FSIP1: variants seen among roughly 807,000 people sequenced by gnomAD.
FSIP1 encodes fibrous sheath-interacting protein 1.
Under a neutral mutation model 60.9 loss-of-function variants are expected in FSIP1, and 65 were observed. The ratio of observed to expected loss-of-function variants is 1.07; its 90% confidence interval spans 0.87 to 1.31. The LOEUF (loss-of-function observed/expected upper bound fraction) is 1.31, where lower values mean the gene tolerates loss of function less well. FSIP1 is among the 40% of genes most tolerant of loss of function. The pLI is 0.00. For synonymous variants in FSIP1, 209 were observed against 221.2 expected, an observed-to-expected ratio of 0.94 and a Z score of 0.49; for missense variants, 675 against 665.5, an observed-to-expected ratio of 1.01 and a Z score of -0.16.
intron 10 of FSIP1, among the ~76,000 whole-genome samples, chr15:39,644,583 T>G (rs575455473): frequency 7.9e-5 from 12 of 152,318 alleles, no homozygotes; most frequent in Non-Finnish European, 1.6e-4. Context: ...CAAGAACTCA[T>G]GAGAACTTCT....
intron 5 of FSIP1, among the ~76,000 whole-genome samples, chr15:39,742,923 T>TA (rs1372767749): frequency 6.6e-6 from 1 of 152,108 alleles, no homozygotes; most frequent in African/African-American, 2.4e-5. Flanking sequence ...GAGAGAGGGG[T>TA]AAACTACTTA....
At chr15:39,684,764 G>A (rs1894297917) in intron 10 of FSIP1, among the ~76,000 whole-genome samples, 1 of 152,184 alleles carries the variant, frequency 6.6e-6, no homozygotes, top group Non-Finnish European at 1.5e-5. Flanking sequence ...ACCATGTGGT[G>A]AGGATGGAAA....
chr15:39,694,124 T>C (rs889755222), intron 10 of FSIP1, among the ~76,000 whole-genome samples: 2 of 152,018 alleles, frequency 1.3e-5, no homozygotes, highest in Non-Finnish European at 2.9e-5. Context: ...ATGCACTATA[T>C]AAATAAAGGA....
intron 8 of FSIP1, among the ~76,000 whole-genome samples, chr15:39,733,731 T>C (rs539135687): frequency 2.6e-5 from 4 of 152,226 alleles, no homozygotes; most frequent in Admixed American, 2.6e-4. Flanking sequence ...GACAGTCTCT[T>C]TGCTTTTTAC....
chr15:39,776,515 T>A lies in FSIP1; in HGVS notation c.10A>T (p.Ile4Leu). ...GAAATTCCATCTAGGTTTCCCTTTA[T>A]AATATCCATTGAAATCCTGAAACAA... MDI[I>L]KGNLDGISKP... The change falls in exon 2 of 12, where the codon ATA (isoleucine) becomes TTA (leucine). Residue 4 changes from isoleucine (I) to leucine (L), a missense_variant. Ile to Leu is a conservative substitution (Grantham distance 5). Transcript: ENST00000350221. 1 of 1,606,106 alleles carries A rather than the reference T, an allele frequency of 6.2e-7. No individual in the cohort carries two copies. The highest frequency in any genetic ancestry group is 8.5e-7 in the Non-Finnish European group (1 of 1,175,354).
At chr15:39,762,182 G>A (rs965075872) in intron 5 of FSIP1, among the ~76,000 whole-genome samples, 1 of 152,188 alleles carries the variant, frequency 6.6e-6, no homozygotes, top group African/African-American at 2.4e-5. Flanking sequence ...TCACAGGCTG[G>A]GTGGCTGAAA....
intron 10 of FSIP1, among the ~76,000 whole-genome samples, chr15:39,687,786 G>A (rs772136056): frequency 2.6e-5 from 4 of 152,142 alleles, no homozygotes; most frequent in African/African-American, 4.8e-5. Flanking sequence ...TACATTTTAA[G>A]CCTCTTCTCT....
At chr15:39,628,722 CA>C (rs1298331922) in intron 10 of FSIP1, among the ~76,000 whole-genome samples, 1 of 152,162 alleles carries the variant, frequency 6.6e-6, no homozygotes, top group Non-Finnish European at 1.5e-5. Context: ...CAGAAGTTAG[CA>C]GGGGGAGGCT....
chr15:39,765,383 A>T (rs1369684495), intron 4 of FSIP1, among the ~76,000 whole-genome samples: 1 of 151,512 alleles, frequency 6.6e-6, no homozygotes, highest in African/African-American at 2.4e-5. Context: ...TAGGGCAACA[A>T]GCACGTACTA....
intron 10 of FSIP1, among the ~76,000 whole-genome samples, chr15:39,643,757 C>T (rs1425109041): frequency 6.6e-6 from 1 of 152,152 alleles, no homozygotes; most frequent in South Asian, 2.1e-4. Flanking sequence ...TCTGAGGTTG[C>T]CTGCAAGTTG....
At chr15:39,748,428 G>A (rs1172438276) in intron 5 of FSIP1, among the ~76,000 whole-genome samples, 1 of 152,070 alleles carries the variant, frequency 6.6e-6, no homozygotes, top group Admixed American at 6.6e-5. Context: ...AATTTTCCCT[G>A]GGGGTATTAA....
chr15:39,726,975 T>C (rs560373721), intron 8 of FSIP1, among the ~76,000 whole-genome samples: 1 of 152,342 alleles, frequency 6.6e-6, no homozygotes, highest in Admixed American at 6.5e-5. Flanking sequence ...TCTAATATTT[T>C]AAGGGGGGTT....
chr15:39,603,341 C>T (rs1890708542), intron 11 of FSIP1, among the ~76,000 whole-genome samples: 1 of 152,198 alleles, frequency 6.6e-6, no homozygotes, highest in African/African-American at 2.4e-5. Context: ...TGCCAGAACC[C>T]ACCCCTAGAA....
chr15:39,603,461 A>G (rs1890714190), intron 11 of FSIP1, among the ~76,000 whole-genome samples: 1 of 152,230 alleles, frequency 6.6e-6, no homozygotes, highest in Non-Finnish European at 1.5e-5. Flanking sequence ...TAAGGAACAG[A>G]CTCAGTATAG....
intron 5 of FSIP1, among the ~76,000 whole-genome samples, chr15:39,763,506 T>G (rs2140702521): frequency 1.3e-5 from 2 of 152,320 alleles, no homozygotes; most frequent in South Asian, 4.1e-4. Flanking sequence ...GGGAATTGTA[T>G]GCAGAAAGTG....
chr15:39,782,496 C>T (rs1898307255), intron 1 of FSIP1, 132 bp downstream of exon 1: 1 of 151,944 alleles, frequency 6.6e-6, no homozygotes. Flanking sequence ...CGCCCCCGCC[C>T]TCTCATTGGC....
chr15:39,609,617 G>C (rs563430910), intron 11 of FSIP1, among the ~76,000 whole-genome samples: 21 of 152,324 alleles, frequency 1.4e-4, no homozygotes, highest in African/African-American at 4.6e-4. Context: ...TGTTTCTCTA[G>C]ACGATAGCCT....
At chr15:39,647,601 G>A (rs1341475497) in intron 10 of FSIP1, among the ~76,000 whole-genome samples, 2 of 151,940 alleles carry the variant, frequency 1.3e-5, no homozygotes, top group Non-Finnish European at 2.9e-5. Context: ...TGACATCACT[G>A]GTATGTTACT....
At chr15:39,677,507 GCACTTTTAAAATTATTTTCA>G (rs1203626866) in intron 10 of FSIP1, among the ~76,000 whole-genome samples, 1 of 151,940 alleles carries the variant, frequency 6.6e-6, no homozygotes, top group Admixed American at 6.6e-5. Flanking sequence ...TATATACCAA[GCACTTTTAAAATTATTTTCA>G]CACCCCTTTA....
Sources: gnomAD v4.1 joint callset for allele counts (sites outside exome capture counted in the v4.1 genomes callset) on GRCh38, gnomAD v4.1.1 for gene constraint, MANE v1.5 for transcripts, NCBI Gene and HGNC (gene_info 2026-07-23, HGNC 2026-07-21) for gene names.